The following MTUS1 variants were observed in gnomAD, a reference collection of about 807,000 sequenced individuals.
MTUS1 encodes microtubule-associated tumor suppressor 1.
A neutral mutation model predicts 120.8 loss-of-function variants in MTUS1; 109 were observed. That is an observed-to-expected ratio of 0.90 (90% confidence interval 0.77 to 1.06). The LOEUF (loss-of-function observed/expected upper bound fraction) is 1.06, where lower values mean the gene tolerates loss of function less well. Among genes scored for constraint, MTUS1 ranks in the 50% least tolerant of loss-of-function variants. MTUS1 has a pLI of 0.00. For synonymous variants in MTUS1, 737 were observed against 550.5 expected, an observed-to-expected ratio of 1.34 and a Z score of -4.74; for missense variants, 2,210 against 1,486.3, an observed-to-expected ratio of 1.49 and a Z score of -8.01.
At chr8:17,718,830 T>C (rs1282549043) in intron 4 of MTUS1, among the ~76,000 whole-genome samples, 1 of 151,480 alleles carries the variant, frequency 6.6e-6, no homozygotes, top group Non-Finnish European at 1.5e-5. Context: ...AACTAAGGGA[T>C]ATTCTCAGGA....
chr8:17,747,242 G>A (rs2047831203), intron 2 of MTUS1, among the ~76,000 whole-genome samples: 1 of 151,118 alleles, frequency 6.6e-6, no homozygotes, highest in Non-Finnish European at 1.5e-5. Context: ...CCTACCTAGA[G>A]TCCCCTAAAT....
chr8:17,655,445 C>G (rs2130248708), intron 9 of MTUS1, among the ~76,000 whole-genome samples: 1 of 152,240 alleles, frequency 6.6e-6, no homozygotes, highest in East Asian at 1.9e-4. Flanking sequence ...ATAATACATT[C>G]CTTTGGTCAT....
At chr8:17,760,617 G>A (rs537146233) in intron 1 of MTUS1, among the ~76,000 whole-genome samples, 15 of 152,272 alleles carry the variant, frequency 9.9e-5, no homozygotes, top group African/African-American at 3.6e-4. Context: ...CTTTAAGAAT[G>A]GGTCCTAAGC....
At chr8:17,760,736 T>A (rs935167529) in intron 1 of MTUS1, among the ~76,000 whole-genome samples, 1 of 151,096 alleles carries the variant, frequency 6.6e-6, no homozygotes, top group Non-Finnish European at 1.5e-5. Flanking sequence ...AAAGTTGCCA[T>A]CTTAGAAATA....
At chr8:17,722,049 G>C in intron 4 of MTUS1, 1 of 1,306,978 alleles carries the variant, frequency 7.7e-7, no homozygotes. Flanking sequence ...GATTAAACCA[G>C]CTAGCAAATC....
chr8:17,763,722 G>A (rs920201784), intron 1 of MTUS1, among the ~76,000 whole-genome samples: 1 of 152,196 alleles, frequency 6.6e-6, no homozygotes, highest in African/African-American at 2.4e-5. Context: ...ACAAGTAACT[G>A]TGGCTGGCTG....
chr8:17,762,076 T>C (rs1476314328), intron 1 of MTUS1, among the ~76,000 whole-genome samples: 2 of 152,040 alleles, frequency 1.3e-5, no homozygotes, highest in Admixed American at 1.3e-4. Context: ...GGCCAGGAGT[T>C]TGAGACCAGC....
At chr8:17,780,148 T>C (rs1431490073) in intron 1 of MTUS1, among the ~76,000 whole-genome samples, 1 of 152,002 alleles carries the variant, frequency 6.6e-6, no homozygotes, top group Non-Finnish European at 1.5e-5. Context: ...GGCAGCGGAC[T>C]CTGGGCACAC....
intron 1 of MTUS1, among the ~76,000 whole-genome samples, chr8:17,783,252 G>A (rs886986580): frequency 1.2e-4 from 19 of 152,174 alleles, no homozygotes; most frequent in Non-Finnish European, 2.5e-4. Context: ...TGAAGTCTCT[G>A]GCTGTGAAGG....
At chr8:17,648,848 G>A (rs369960714) in intron 13 of MTUS1, among the ~76,000 whole-genome samples, 6 of 152,328 alleles carry the variant, frequency 3.9e-5, no homozygotes, top group South Asian at 2.1e-4. Context: ...GCGGCAGCTG[G>A]ACAGTCAACA....
intron 2 of MTUS1, among the ~76,000 whole-genome samples, chr8:17,746,278 A>G (rs902930942): frequency 2.0e-5 from 3 of 152,186 alleles, no homozygotes; most frequent in African/African-American, 7.2e-5. Context: ...ATGTTCAACC[A>G]GTACTCTCTC....
chr8:17,705,597 G>A (rs1820002578), intron 6 of MTUS1: 1 of 152,176 alleles, frequency 6.6e-6, no homozygotes, highest in Admixed American at 6.5e-5. Context: ...GGAAAGTTAT[G>A]TTAATCATAA....
intron 6 of MTUS1, among the ~76,000 whole-genome samples, chr8:17,710,112 C>T (rs1585863562): frequency 1.3e-5 from 2 of 152,248 alleles, no homozygotes; most frequent in Middle Eastern, 3.4e-3. Flanking sequence ...GAACATCTTG[C>T]CTCAATGTTG....
rs760846250 is a variant in MTUS1, at chr8:17,754,695, G to A, written c.1113C>T (p.Val371=). Reference sequence around the variant, plus strand: ...CCATTTGTGTGTCTTCAGTCTCAGTGACTTTATGCTCTGGGTTCAGCACTT... The same window carrying A: ...CCATTTGTGTGTCTTCAGTCTCAGTAACTTTATGCTCTGGGTTCAGCACTT... ...EAQVLNPEHK[V]TETEDTQMVS... is the part of the protein sequence containing the mutation. Residue 371 remains valine (V), a synonymous_variant, in exon 2 of 15, where the codon GTC becomes GTT. Coordinates refer to ENST00000693296, the MANE Select transcript of MTUS1 (RefSeq NM_001363059.2). 1.2e-5 allele frequency: 20 copies of A among 1,614,076 alleles called. No homozygotes were observed. Among genetic ancestry groups the A allele is most frequent in the Middle Eastern group, 1.6e-4 (1 of 6,084 alleles).
At chr8:17,693,510 G>T (rs985182302) in intron 6 of MTUS1, among the ~76,000 whole-genome samples, 10 of 152,158 alleles carry the variant, frequency 6.6e-5, no homozygotes, top group African/African-American at 2.2e-4. Flanking sequence ...ACAATGACCA[G>T]CCCCCGTCCC....
intron 2 of MTUS1, among the ~76,000 whole-genome samples, chr8:17,745,583 C>T (rs1474074262): frequency 1.3e-5 from 2 of 152,214 alleles, no homozygotes; most frequent in African/African-American, 4.8e-5. Context: ...ACAGCTTACT[C>T]TTTAATTCAC....
At chr8:17,664,540 C>G (rs1046981327) in intron 8 of MTUS1, among the ~76,000 whole-genome samples, 1 of 151,472 alleles carries the variant, frequency 6.6e-6, no homozygotes, top group Non-Finnish European at 1.5e-5. Flanking sequence ...GGGCCCCTCA[C>G]TCTCTCTTGG....
At chr8:17,753,286 C>G (rs566739244) in intron 2 of MTUS1, among the ~76,000 whole-genome samples, 1 of 152,122 alleles carries the variant, frequency 6.6e-6, no homozygotes, top group Non-Finnish European at 1.5e-5. Context: ...CCGCAAGAGT[C>G]CAGGAGTTAT....
intron 3 of MTUS1, among the ~76,000 whole-genome samples, chr8:17,728,029 C>T (rs2046330202): frequency 1.3e-5 from 2 of 152,094 alleles, no homozygotes; most frequent in South Asian, 4.1e-4. Flanking sequence ...TAAAAGACGC[C>T]TAGCAAAACT....
Sources: gnomAD v4.1 joint callset for allele counts (sites outside exome capture counted in the v4.1 genomes callset) on GRCh38, gnomAD v4.1.1 for gene constraint, MANE v1.5 for transcripts, NCBI Gene and HGNC (gene_info 2026-07-23, HGNC 2026-07-21) for gene names.